KLF8: variants seen among roughly 807,000 people sequenced by gnomAD.
KLF8 encodes the protein KLF transcription factor 8.
In KLF8, 10 loss-of-function variants were observed where a neutral mutation model predicts 18.2. That is an observed-to-expected ratio of 0.55 (90% confidence interval 0.34 to 0.93). The LOEUF (loss-of-function observed/expected upper bound fraction) is 0.93. Among genes scored for constraint, KLF8 ranks in the 40% least tolerant of loss-of-function variants. The probability of loss-of-function intolerance (pLI) is 0.02; values close to 1 mark genes in which losing one functional copy is unlikely to be tolerated. For missense variants in KLF8, 264 were observed against 277.9 expected (o/e 0.95, Z 0.36); for synonymous variants, 109 against 97.3 (o/e 1.12, Z -0.71).
At chrX:55,926,383 G>A in the KLF8 span, among the ~76,000 whole-genome samples, 5 of 110,280 alleles carry the variant, frequency 4.5e-5, no homozygotes, top group African/African-American at 1.6e-4. Flanking sequence ...TGTATTTACA[G>A]ATAGGAATTG....
the KLF8 span, among the ~76,000 whole-genome samples, chrX:56,052,260 C>A: frequency 1.8e-5 from 2 of 112,216 alleles, no homozygotes; most frequent in African/African-American, 6.5e-5. Context: ...AAGCCTTCTT[C>A]TCTCAGCTCG....
chrX:56,098,152 A>G, the KLF8 span, among the ~76,000 whole-genome samples: 2 of 111,799 alleles, frequency 1.8e-5, no homozygotes, highest in Non-Finnish European at 3.8e-5. Context: ...CTCCCTTTCC[A>G]TGTGGTCTCT....
At chrX:56,239,153 A>G (rs2066514460) in intron 1 of KLF8, among the ~76,000 whole-genome samples, 2 of 111,942 alleles carry the variant, frequency 1.8e-5, no homozygotes, top group South Asian at 7.6e-4. Flanking sequence ...TGCAGCATCT[A>G]TTATCTTGTA....
At chrX:56,277,519 T>G (rs762174039) in intron 5 of KLF8, among the ~76,000 whole-genome samples, 2 of 112,393 alleles carry the variant, frequency 1.8e-5, no homozygotes, top group East Asian at 5.6e-4. Context: ...TCTCTCTCTC[T>G]GTTCTGAGCC....
the KLF8 span, among the ~76,000 whole-genome samples, chrX:55,936,302 G>A: frequency 8.9e-6 from 1 of 112,227 alleles, no homozygotes; most frequent in Non-Finnish European, 1.9e-5. Flanking sequence ...GAACATATTA[G>A]GTGGGTATAC....
At chrX:56,246,226 T>C in intron 1 of KLF8, among the ~76,000 whole-genome samples, 1 of 112,075 alleles carries the variant, frequency 8.9e-6, no homozygotes, top group Admixed American at 9.5e-5. Context: ...CTTTTGAAGA[T>C]GGGCAGTTAT....
chrX:56,135,682 C>T, the KLF8 span, among the ~76,000 whole-genome samples: 8 of 110,567 alleles, frequency 7.2e-5, no homozygotes, highest in Non-Finnish European at 1.1e-4. Context: ...CACATGTACC[C>T]TAAAACTTAA....
intron 5 of KLF8, among the ~76,000 whole-genome samples, chrX:56,282,083 C>A: frequency 8.9e-6 from 1 of 112,362 alleles, no homozygotes; most frequent in African/African-American, 3.2e-5. Flanking sequence ...AGCAATGCAG[C>A]CATTGGGAGA....
chrX:56,027,600 G>A, the KLF8 span, among the ~76,000 whole-genome samples: 5 of 112,258 alleles, frequency 4.5e-5, no homozygotes, highest in Non-Finnish European at 7.5e-5. Context: ...CTGAGGCAAT[G>A]GCTTGGCTTC....
the KLF8 span, among the ~76,000 whole-genome samples, chrX:56,223,219 T>C: frequency 8.9e-6 from 1 of 112,946 alleles, no homozygotes; most frequent in Non-Finnish European, 1.9e-5. Context: ...CTGCCTCAAT[T>C]TTCTCCTCTG....
the KLF8 span, among the ~76,000 whole-genome samples, chrX:56,044,401 G>T: frequency 8.9e-6 from 1 of 112,279 alleles, no homozygotes; most frequent in Admixed American, 9.4e-5. Flanking sequence ...CAGCAGGCTG[G>T]AGTTGCTGAG....
chrX:56,061,502 A>C, the KLF8 span, among the ~76,000 whole-genome samples: 1 of 111,685 alleles, frequency 9.0e-6, no homozygotes, highest in Non-Finnish European at 1.9e-5. Flanking sequence ...CTTGAGTTCT[A>C]ATTTGACTGC....
At chrX:55,999,698 G>T in the KLF8 span, among the ~76,000 whole-genome samples, 1 of 111,276 alleles carries the variant, frequency 9.0e-6, no homozygotes, top group African/African-American at 3.3e-5. Flanking sequence ...TGTGCATATT[G>T]ATTTTTATTA....
the KLF8 span, among the ~76,000 whole-genome samples, chrX:56,208,796 C>T: frequency 4.2e-4 from 47 of 111,723 alleles, no homozygotes; most frequent in African/African-American, 1.5e-3. Context: ...ATAATTTCTA[C>T]ATTCATTCCA....
the KLF8 span, among the ~76,000 whole-genome samples, chrX:55,969,844 T>A: frequency 9.0e-6 from 1 of 111,323 alleles, no homozygotes; most frequent in Non-Finnish European, 1.9e-5. Context: ...CTATAAAAAA[T>A]TGATAAATTC....
chrX:56,285,369 G>A lies in KLF8; in HGVS notation c.*875G>A, dbSNP rs1205536596. ...GGATGATCCTGAGAACAAATAGAGG[G>A]GTTCCTTTACTTGTATAGGATATCA... On this transcript the variant is annotated 3_prime_UTR_variant, in exon 6 of 6. Coordinates refer to ENST00000468660, the MANE Select transcript of KLF8 (RefSeq NM_007250.5). The A allele has an allele frequency of 9.0e-6, 1 of 111,645 alleles. No individual in the cohort carries two copies. Among genetic ancestry groups the A allele is most frequent in the East Asian group, 2.8e-4 (1 of 3,552 alleles). The allele number at this position is 111,645 out of a possible 1,213,427, so 9.2% of individuals were successfully genotyped here.
the KLF8 span, among the ~76,000 whole-genome samples, chrX:55,919,313 C>T: frequency 3.6e-5 from 4 of 111,914 alleles, no homozygotes; most frequent in Non-Finnish European, 7.5e-5. Flanking sequence ...AGACTCACTT[C>T]GTGAACTTTT....
the KLF8 span, among the ~76,000 whole-genome samples, chrX:55,946,601 A>G: frequency 8.9e-6 from 1 of 111,929 alleles, no homozygotes; most frequent in African/African-American, 3.2e-5. Context: ...TTGAAACACC[A>G]AAAGCAATGG....
the KLF8 span, among the ~76,000 whole-genome samples, chrX:55,923,451 C>T: frequency 2.7e-5 from 3 of 110,463 alleles, no homozygotes; most frequent in Admixed American, 9.6e-5. Context: ...CATTTACCTA[C>T]GTAAGAAGCC....
Sources: allele counts gnomAD v4.1 joint callset (sites outside exome capture counted in the v4.1 genomes callset), GRCh38; gene constraint gnomAD v4.1.1; transcripts MANE v1.5; gene names NCBI Gene and HGNC (gene_info 2026-07-23, HGNC 2026-07-21).